WWTR1: variants seen among roughly 807,000 people sequenced by gnomAD.
WWTR1 encodes WW domain-containing transcription regulator protein 1.
In WWTR1, 13 loss-of-function variants were observed where a neutral mutation model predicts 40.1. That is an observed-to-expected ratio of 0.32 (90% CI 0.21 to 0.52). The LOEUF (loss-of-function observed/expected upper bound fraction) is 0.52, where lower values mean the gene tolerates loss of function less well. Among genes scored for constraint, WWTR1 ranks in the 20% least tolerant of loss-of-function variants. WWTR1 has a pLI of 0.97. For synonymous variants in WWTR1, 230 were observed against 210.1 expected (o/e 1.09, Z -0.82); for missense variants, 436 against 523.1 (o/e 0.83, Z 1.63).
At chr3:149,612,803 C>G (rs942625606) in intron 2 of WWTR1, among the ~76,000 whole-genome samples, 11 of 152,114 alleles carry the variant, frequency 7.2e-5, no homozygotes, top group Admixed American at 6.6e-4. Context: ...TTTCTTTAAC[C>G]ATGAACATCG....
Position 149,631,340 on chromosome 3 carries a change from C to T in WWTR1, c.431+25536G>A, listed in dbSNP as rs537601593. Among the ~76,000 whole-genome samples the T allele has an allele frequency of 4.0e-5, 6 of 151,620 alleles. No individual in the cohort carries two copies. In the South Asian group the frequency reaches 8.4e-4, roughly 21 times the overall value. On this transcript the variant is annotated intron_variant, in intron 2 of 6. Transcript: ENST00000360632. ...TTGTTACTCTGGGTGTAGAGAGAGG[C>T]CTTGCCTAAAATCCAAAATTGTCGG...
chr3:149,691,660 AAAAAG>A (rs1323974419), intron 1 of WWTR1, among the ~76,000 whole-genome samples: 2 of 152,188 alleles, frequency 1.3e-5, no homozygotes, highest in Non-Finnish European at 2.9e-5. Context: ...AAGCTATAAT[AAAAAG>A]TATGCCAGCA....
At chr3:149,592,789 C>T (rs1200715315) in intron 2 of WWTR1, among the ~76,000 whole-genome samples, 2 of 152,096 alleles carry the variant, frequency 1.3e-5, no homozygotes, top group Non-Finnish European at 2.9e-5. Flanking sequence ...TAAAGCTTCC[C>T]TTGGTTCGGG....
At chr3:149,527,547 C>T (rs892913243) in intron 5 of WWTR1, among the ~76,000 whole-genome samples, 1 of 152,218 alleles carries the variant, frequency 6.6e-6, no homozygotes, top group African/African-American at 2.4e-5. Context: ...AGTATAAGTA[C>T]TAGACGACAC....
At position 149,518,370 on chromosome 3, in the gene WWTR1, A is replaced by C. The variant is rs1015081160; in HGVS notation, c.*2435T>G. 6.6e-6 allele frequency: 1 copy of C among 152,094 alleles called. No individual in the cohort carries two copies. The highest frequency in any genetic ancestry group is 1.5e-5 in the Non-Finnish European group (1 of 68,006). 9.4% of individuals were successfully genotyped at this position (152,094 alleles called of 1,614,324 possible). ...GTATCTGTTTCTCTTACATTTAATA[A>C]CCTGAAAATGAGTCTATAAAAATAT... On this transcript the variant is annotated 3_prime_UTR_variant, in exon 7 of 7. Transcript: ENST00000360632.
intron 2 of WWTR1, among the ~76,000 whole-genome samples, chr3:149,641,239 T>C (rs896353490): frequency 6.6e-6 from 1 of 152,162 alleles, no homozygotes; most frequent in African/African-American, 2.4e-5. Flanking sequence ...TGGCATCAGT[T>C]TACACCTCCA....
chr3:149,656,785 T>G, intron 2 of WWTR1, 91 bp downstream of exon 2: 1 of 873,882 alleles, frequency 1.1e-6, no homozygotes, highest in Non-Finnish European at 1.6e-6. Flanking sequence ...TCTCTCTCTC[T>G]CTCTCTCACA....
At chr3:149,590,379 G>A (rs1035371448) in intron 2 of WWTR1, among the ~76,000 whole-genome samples, 1 of 152,154 alleles carries the variant, frequency 6.6e-6, no homozygotes, top group African/African-American at 2.4e-5. Flanking sequence ...GCCGGGTGCG[G>A]TGGCTTACAC....
At chr3:149,604,481 G>A (rs187287990) in intron 2 of WWTR1, among the ~76,000 whole-genome samples, 132 of 152,272 alleles carry the variant, frequency 8.7e-4, no homozygotes, top group African/African-American at 3.0e-3. Context: ...TCAAATTTTA[G>A]CTACAATTTA....
intron 5 of WWTR1, among the ~76,000 whole-genome samples, chr3:149,714,010 C>T (rs1215375248): frequency 2.6e-5 from 4 of 152,222 alleles, no homozygotes; most frequent in African/African-American, 9.6e-5. Flanking sequence ...CCCTGGGAGC[C>T]CCCCAGATCC....
At chr3:149,704,765 T>C (rs552754318), upstream of WWTR1, among the ~76,000 whole-genome samples, 27 of 150,448 alleles carry the variant, frequency 1.8e-4, no homozygotes, top group South Asian at 5.5e-3. Flanking sequence ...CCATTAGCTC[T>C]AAAATACAAG....
At chr3:149,591,891 A>T (rs1375531198) in intron 2 of WWTR1, among the ~76,000 whole-genome samples, 1 of 152,108 alleles carries the variant, frequency 6.6e-6, no homozygotes, top group Non-Finnish European at 1.5e-5. Context: ...ACATTGCGGG[A>T]GGGGGTAGGA....
chr3:149,527,371 T>C (rs2107908239), intron 5 of WWTR1, among the ~76,000 whole-genome samples: 1 of 152,140 alleles, frequency 6.6e-6, no homozygotes, highest in East Asian at 1.9e-4. Flanking sequence ...GGTCTCGAAC[T>C]CCCAACCTCA....
intron 2 of WWTR1, among the ~76,000 whole-genome samples, chr3:149,640,860 A>T (rs1712131478): frequency 6.6e-6 from 1 of 152,182 alleles, no homozygotes; most frequent in African/African-American, 2.4e-5. Flanking sequence ...CTAAAACATG[A>T]TGTCATTTGT....
At chr3:149,659,358 G>A (rs866451413), upstream of WWTR1, 3 of 46,884 alleles carry the variant, frequency 6.4e-5, no homozygotes, top group African/African-American at 8.6e-5. Flanking sequence ...TTTGAGTGAC[G>A]TCTCCCTCTT....
intron 3 of WWTR1, among the ~76,000 whole-genome samples, chr3:149,565,928 CAAAAAA>C (rs58536558): frequency 8.2e-5 from 6 of 73,472 alleles, no homozygotes; most frequent in African/African-American, 3.4e-4. Context: ...AACTCTGTCT[CAAAAAA>C]AAAAAAAAAA....
chr3:149,681,978 T>C (rs13063928), intron 1 of WWTR1, among the ~76,000 whole-genome samples: 13,776 of 152,244 alleles, frequency 0.09, 785 homozygotes, highest in African/African-American at 0.15. Flanking sequence ...ATTGTGCCTA[T>C]AGTTGACAAT....
chr3:149,641,064 A>G (rs1282616267), intron 2 of WWTR1, among the ~76,000 whole-genome samples: 2 of 152,146 alleles, frequency 1.3e-5, no homozygotes, highest in East Asian at 3.9e-4. Context: ...AAGGCATTCG[A>G]TATTATTTAT....
chr3:149,632,965 G>A (rs150909018), intron 2 of WWTR1, among the ~76,000 whole-genome samples: 20 of 152,290 alleles, frequency 1.3e-4, no homozygotes, highest in African/African-American at 4.8e-4. Flanking sequence ...TCTCTTTTTG[G>A]TGATGAAAAT....
Sources: gnomAD v4.1 joint callset for allele counts (sites outside exome capture counted in the v4.1 genomes callset) on GRCh38, gnomAD v4.1.1 for gene constraint, MANE v1.5 for transcripts, NCBI Gene and HGNC (gene_info 2026-07-23, HGNC 2026-07-21) for gene names.